Variants in C1orf198 observed in about 807,000 individuals in gnomAD.
C1orf198 encodes the protein uncharacterized protein C1orf198.
A neutral mutation model predicts 31.4 loss-of-function variants in C1orf198; 17 were observed. The ratio of observed to expected loss-of-function variants is 0.54; its 90% CI spans 0.37 to 0.81. C1orf198 has a LOEUF of 0.81. C1orf198 is among the 40% of genes least tolerant of loss of function. C1orf198 has a pLI of 0.00. For synonymous variants in C1orf198, 175 were observed against 193.8 expected (o/e 0.90, Z 0.81); for missense variants, 401 against 450.3 (o/e 0.89, Z 0.99).
intron 1 of C1orf198, among the ~76,000 whole-genome samples, chr1:230,861,936 C>A (rs1263663736): frequency 2.0e-5 from 3 of 152,178 alleles, no homozygotes; most frequent in Non-Finnish European, 4.4e-5. Context: ...TGGTTGACAC[C>A]TGTGGCATCT....
At chr1:230,846,990 C>G (rs1348050193) in intron 2 of C1orf198, among the ~76,000 whole-genome samples, 2 of 151,334 alleles carry the variant, frequency 1.3e-5, no homozygotes, top group Non-Finnish European at 2.9e-5. Flanking sequence ...GTAGTCCCAG[C>G]TACTTGGGAG....
At chr1:230,844,436 T>G (rs940615353) in intron 2 of C1orf198, among the ~76,000 whole-genome samples, 1 of 152,142 alleles carries the variant, frequency 6.6e-6, no homozygotes, top group Non-Finnish European at 1.5e-5. Flanking sequence ...GCCGATGCCA[T>G]GTTTCCTGTG....
At chr1:230,844,173 A>C (rs1558136666) in intron 2 of C1orf198, among the ~76,000 whole-genome samples, 1 of 152,044 alleles carries the variant, frequency 6.6e-6, no homozygotes, top group Non-Finnish European at 1.5e-5. Context: ...TGTAATCCCC[A>C]GTGCTGGAGG....
chr1:230,861,528 T>C (rs1416005382), intron 1 of C1orf198, among the ~76,000 whole-genome samples: 2 of 152,212 alleles, frequency 1.3e-5, no homozygotes, highest in African/African-American at 2.4e-5. Context: ...TGCCCAGATA[T>C]GCATCCCGTG....
chr1:230,859,074 A>G (rs896991498), intron 1 of C1orf198, among the ~76,000 whole-genome samples: 2 of 152,212 alleles, frequency 1.3e-5, no homozygotes, highest in Non-Finnish European at 2.9e-5. Context: ...AAAGTGCTTA[A>G]CAAAAATAAA....
chr1:230,844,185 G>T (rs1359823233), intron 2 of C1orf198, among the ~76,000 whole-genome samples: 2 of 152,134 alleles, frequency 1.3e-5, no homozygotes, highest in Non-Finnish European at 2.9e-5. Flanking sequence ...TGCTGGAGGT[G>T]AGGCCTCGTG....
intron 1 of C1orf198, among the ~76,000 whole-genome samples, chr1:230,859,064 A>G (rs1445747615): frequency 6.6e-6 from 1 of 152,208 alleles, no homozygotes; most frequent in East Asian, 1.9e-4. Flanking sequence ...AAAAAACAAT[A>G]AAGTGCTTAA....
chr1:230,840,740 C>T lies in C1orf198; in HGVS notation c.928-832G>A, dbSNP rs1377959204. ...CTTGACTCTCCACCCTCCAAGCAGC[C>T]GGCCAGCAGAAAATGCATACATGGC... On this transcript the variant is annotated intron_variant, in intron 3 of 3. Coordinates refer to ENST00000366663, the MANE Select transcript of C1orf198 (RefSeq NM_032800.3). The surrounding 1 kb of genome is among the most constrained non-coding windows in gnomAD (Gnocchi z 4.0). Among the ~76,000 whole-genome samples the T allele has an allele frequency of 1.3e-5, 2 of 152,148 alleles. No homozygotes were observed. Among genetic ancestry groups the T allele is most frequent in the African/African-American group, 4.8e-5 (2 of 41,442 alleles).
intron 2 of C1orf198, among the ~76,000 whole-genome samples, chr1:230,846,368 A>G (rs372164305): frequency 5.4e-4 from 83 of 152,370 alleles, no homozygotes; most frequent in Middle Eastern, 3.4e-3. Context: ...AGTCTTTCAC[A>G]TAATCAATGG....
At position 230,866,464 on chromosome 1, in the gene C1orf198, A is replaced by G. The variant is rs147020542; in HGVS notation, c.333+1716T>C. Among the ~76,000 whole-genome samples the G allele has an allele frequency of 3.4e-4, 52 of 152,262 alleles. No individual in the cohort carries two copies. In the East Asian group the frequency reaches 9.8e-3, roughly 29 times the overall value. ...ACAGTTCCACTTGCTTTTAAATCAC[A>G]TTGAGTTTACAAATTCAGAAACGGC... On this transcript the variant is annotated intron_variant, in intron 1 of 3. Coordinates refer to ENST00000366663, the MANE Select transcript of C1orf198 (RefSeq NM_032800.3).
intron 1 of C1orf198, among the ~76,000 whole-genome samples, chr1:230,856,539 G>A (rs953514475): frequency 6.6e-6 from 1 of 152,126 alleles, no homozygotes; most frequent in South Asian, 2.1e-4. Context: ...GTCCAGCTTC[G>A]ATTGGGTAAC....
chr1:230,844,325 C>G (rs372826929), intron 2 of C1orf198, among the ~76,000 whole-genome samples: 6 of 152,054 alleles, frequency 3.9e-5, no homozygotes, highest in African/African-American at 1.4e-4. Flanking sequence ...CCCCCTGACT[C>G]TCTCCCTCTT....
intron 1 of C1orf198, among the ~76,000 whole-genome samples, chr1:230,865,412 G>A (rs1184451832): frequency 6.6e-6 from 1 of 152,166 alleles, no homozygotes; most frequent in African/African-American, 2.4e-5. Context: ...TCACACGTGG[G>A]GATTTTTAAA....
chr1:230,856,091 C>T (rs1456060434), intron 1 of C1orf198: 7 of 726,922 alleles, frequency 9.6e-6, no homozygotes, highest in Non-Finnish European at 1.2e-5. Context: ...GGGAAGATGA[C>T]TCAGCCTTTT....
At chr1:230,858,732 AC>A (rs1669936963) in intron 1 of C1orf198, among the ~76,000 whole-genome samples, 1 of 152,160 alleles carries the variant, frequency 6.6e-6, no homozygotes, top group Non-Finnish European at 1.5e-5. Flanking sequence ...CTCCCCTGTT[AC>A]TCGATATGAT....
chr1:230,843,929 G>T lies in C1orf198; in HGVS notation c.385-33C>A. The T allele has an allele frequency of 6.7e-7, 1 of 1,493,930 alleles. No individual in the cohort carries two copies. The highest frequency in any genetic ancestry group is 8.9e-7 in the Non-Finnish European group (1 of 1,127,548). The allele number at this position is 1,493,930 out of a possible 1,614,324, so 92.5% of individuals were successfully genotyped here. A position where few individuals can be genotyped will look rare whatever the true frequency, so the allele number is the denominator to read the frequency against. On this transcript the variant is annotated intron_variant, in intron 2 of 3. Coordinates refer to ENST00000366663, the MANE Select transcript of C1orf198 (RefSeq NM_032800.3). This position sits in a 1 kb window ranked among gnomAD's most constrained non-coding sequence, Gnocchi z 4.9. Reference sequence around the variant, plus strand: ...GGGACATGAGAAAGGACAGAAAAAAGAAAGAGATCCTGAGAATCGACCGTC... The same window carrying T: ...GGGACATGAGAAAGGACAGAAAAAATAAAGAGATCCTGAGAATCGACCGTC...
chr1:230,862,159 G>T (rs1670018320), intron 1 of C1orf198, among the ~76,000 whole-genome samples: 1 of 152,150 alleles, frequency 6.6e-6, no homozygotes. Context: ...CCTCAGAGAT[G>T]CCAGAGCCTG....
Position 230,840,164 on chromosome 1 carries a change from C to G in C1orf198, c.928-256G>C, listed in dbSNP as rs1019693980. On this transcript the variant is annotated intron_variant, in intron 3 of 3. Coordinates refer to ENST00000366663, the MANE Select transcript of C1orf198 (RefSeq NM_032800.3). The surrounding 1 kb of genome is among the most constrained non-coding windows in gnomAD (Gnocchi z 4.0). ...GTCTGTGAGCAGCTTACAGACCTTA[C>G]AGAGAAAAGAACAATGTCTCTGTAT... 2.0e-5 allele frequency among the ~76,000 whole-genome samples: 3 copies of G among 152,128 alleles called. No individual in the cohort carries two copies. The highest frequency in any genetic ancestry group is 4.4e-5 in the Non-Finnish European group (3 of 68,020).
At position 230,843,052 on chromosome 1, in the gene C1orf198, C is replaced by T. The variant is rs1011005230; in HGVS notation, c.927+302G>A. Among the ~76,000 whole-genome samples, 4 of 152,378 alleles carry T rather than the reference C, an allele frequency of 2.6e-5. No individual in the cohort carries two copies. Among genetic ancestry groups the T allele is most frequent in the South Asian group, 2.1e-4 (1 of 4,828 alleles). On this transcript the variant is annotated intron_variant, in intron 3 of 3. Transcript: ENST00000366663. This position sits in a 1 kb window ranked among gnomAD's most constrained non-coding sequence, Gnocchi z 4.9. Reference sequence around the variant, plus strand: ...AGCTTTGAGCTGTGACAGCCCTGGGCGCAGCGCCTTCCAGGGGCCTCTTCT... The same window carrying T: ...AGCTTTGAGCTGTGACAGCCCTGGGTGCAGCGCCTTCCAGGGGCCTCTTCT...
Sources: allele counts gnomAD v4.1 joint callset (sites outside exome capture counted in the v4.1 genomes callset), GRCh38; gene constraint gnomAD v4.1.1; non-coding constraint Gnocchi (gnomAD v3.1); transcripts MANE v1.5; gene names NCBI Gene and HGNC (gene_info 2026-07-23, HGNC 2026-07-21).